Variants in SDK1 observed in about 807,000 individuals in gnomAD.
SDK1 encodes protein sidekick-1.
SDK1 carries 157 observed loss-of-function variants against 245.5 expected under a neutral mutation model. That is an observed-to-expected ratio of 0.64 (90% CI 0.56 to 0.73). The LOEUF (loss-of-function observed/expected upper bound fraction) is 0.73, where lower values mean the gene tolerates loss of function less well. SDK1 is among the 30% of genes least tolerant of loss of function. SDK1 has a pLI of 0.00. For synonymous variants in SDK1, 1,647 were observed against 1,278.5 expected, an observed-to-expected ratio of 1.29 and a Z score of -6.15; for missense variants, 3,583 against 3,002.3, an observed-to-expected ratio of 1.19 and a Z score of -4.52.
intron 1 of SDK1, among the ~76,000 whole-genome samples, chr7:3,554,004 C>G (rs1779505715): frequency 6.6e-6 from 1 of 152,166 alleles, no homozygotes. Context: ...CCATAGCCCA[C>G]AAAAGTAGAC....
chr7:3,550,009 T>A (rs948550748), intron 1 of SDK1, among the ~76,000 whole-genome samples: 22 of 152,180 alleles, frequency 1.4e-4, no homozygotes, highest in African/African-American at 5.1e-4. Flanking sequence ...GTAATATGCC[T>A]ATTAAACATT....
chr7:3,567,765 A>T (rs996602890), intron 1 of SDK1, among the ~76,000 whole-genome samples: 1 of 152,092 alleles, frequency 6.6e-6, no homozygotes, highest in Non-Finnish European at 1.5e-5. Flanking sequence ...GCTGCATAAC[A>T]TTCTACATGG....
intron 5 of SDK1, among the ~76,000 whole-genome samples, chr7:3,889,406 G>A (rs1781405728): frequency 6.6e-6 from 1 of 152,240 alleles, no homozygotes; most frequent in East Asian, 1.9e-4. Flanking sequence ...GACAAAAAGA[G>A]GGTCGAGTTC....
At chr7:4,096,060 T>G (rs1196097396) in intron 22 of SDK1, among the ~76,000 whole-genome samples, 1 of 152,222 alleles carries the variant, frequency 6.6e-6, no homozygotes, top group Non-Finnish European at 1.5e-5. Context: ...TGTCCTGAAA[T>G]GTAGCTGTAA....
At chr7:3,519,068 G>C (rs972917039) in intron 1 of SDK1, among the ~76,000 whole-genome samples, 3 of 152,096 alleles carry the variant, frequency 2.0e-5, no homozygotes, top group African/African-American at 7.2e-5. Context: ...CACCACATAT[G>C]TTCTCATATG....
In SDK1 at chr7:3,991,219, G is replaced by C. The variant is rs144591048; in HGVS notation, c.2131+3897G>C. On this transcript the variant is annotated intron_variant, in intron 14 of 44. Coordinates refer to ENST00000404826, the MANE Select transcript of SDK1 (RefSeq NM_152744.4). ...GGACAGCATCAGCAAGGACCCCTCA[G>C]TGCCAGGCCCCCAGGCTCAGTGGGA... 5.2e-3 allele frequency among the ~76,000 whole-genome samples: 795 copies of C among 152,310 alleles called. 4 individuals are homozygous for C. Among genetic ancestry groups the C allele is most frequent in the African/African-American group, 0.017 (712 of 41,570 alleles).
At chr7:3,322,122 C>T (rs1345092971) in intron 1 of SDK1, among the ~76,000 whole-genome samples, 1 of 151,342 alleles carries the variant, frequency 6.6e-6, no homozygotes, top group Non-Finnish European at 1.5e-5. Flanking sequence ...ACCTCTAGTT[C>T]CGGGACAGTT....
At chr7:3,467,009 C>CACAG (rs2128597000) in intron 1 of SDK1, among the ~76,000 whole-genome samples, 1 of 147,532 alleles carries the variant, frequency 6.8e-6, no homozygotes, top group African/African-American at 2.6e-5. Flanking sequence ...CACACACACA[C>CACAG]ACACACACAC....
chr7:3,626,262 A>T (rs76080387), intron 2 of SDK1, among the ~76,000 whole-genome samples: 5,245 of 152,198 alleles, frequency 0.034, 267 homozygotes, highest in African/African-American at 0.11. Context: ...TAAAATAGAG[A>T]GTAAGAGGAC....
rs1234248082 is a variant in SDK1 at position 3,803,241 on chromosome 7, A to G, written c.714-18209A>G. On this transcript the variant is annotated intron_variant, in intron 4 of 44. Transcript: ENST00000404826. ...TTATGTGCTTATTTGCCGTTTACAT[A>G]TTCTCTTTGGTCAAATGCTTCTTGT... Among the ~76,000 whole-genome samples, 3 of 151,176 alleles carry G rather than the reference A, an allele frequency of 2.0e-5. No individual in the cohort carries two copies. In the South Asian group the frequency reaches 6.3e-4, roughly 32 times the overall value.
intron 22 of SDK1, among the ~76,000 whole-genome samples, chr7:4,093,212 A>C (rs1480735424): frequency 1.3e-5 from 2 of 152,090 alleles, no homozygotes; most frequent in Non-Finnish European, 2.9e-5. Context: ...CATCTCTTTG[A>C]GCATTTTTAT....
At chr7:3,656,857 C>G (rs1300535241) in intron 4 of SDK1, among the ~76,000 whole-genome samples, 3 of 152,008 alleles carry the variant, frequency 2.0e-5, no homozygotes, top group Admixed American at 1.3e-4. Context: ...ACACCATTCT[C>G]CTGCCTCAGC....
intron 5 of SDK1, among the ~76,000 whole-genome samples, chr7:3,891,603 T>C (rs1781461689): frequency 1.3e-5 from 2 of 152,216 alleles, no homozygotes; most frequent in Admixed American, 6.5e-5. Flanking sequence ...TGTCCTCCTT[T>C]CTCTAAACTC....
intron 14 of SDK1, among the ~76,000 whole-genome samples, chr7:3,993,544 A>G (rs1784500111): frequency 6.6e-6 from 1 of 152,234 alleles, no homozygotes; most frequent in Admixed American, 6.5e-5. Context: ...AAAATGTAAA[A>G]TACATTTGTA....
chr7:4,008,322 C>G (rs915073989), intron 14 of SDK1, among the ~76,000 whole-genome samples: 2 of 152,212 alleles, frequency 1.3e-5, no homozygotes, highest in Admixed American at 1.3e-4. Flanking sequence ...GAATAACGCT[C>G]AAAATCCTAA....
At chr7:4,223,162 G>C (rs73048289) in intron 40 of SDK1, among the ~76,000 whole-genome samples, 3 of 152,028 alleles carry the variant, frequency 2.0e-5, no homozygotes, top group African/African-American at 4.8e-5. Flanking sequence ...AGGAGGGTAC[G>C]AGTGTCCTGA....
chr7:4,076,417 A>T (rs963403260), intron 20 of SDK1, among the ~76,000 whole-genome samples: 1 of 152,132 alleles, frequency 6.6e-6, no homozygotes, highest in Non-Finnish European at 1.5e-5. Flanking sequence ...TTAGCCAGGC[A>T]TGGTGGTTCA....
At chr7:3,674,205 TACA>T (rs1783817039) in intron 4 of SDK1, among the ~76,000 whole-genome samples, 1 of 152,128 alleles carries the variant, frequency 6.6e-6, no homozygotes, top group Non-Finnish European at 1.5e-5. Flanking sequence ...AGAAATTGAC[TACA>T]ACAACGAAGG....
chr7:3,847,379 T>G (rs1780307082), intron 5 of SDK1, among the ~76,000 whole-genome samples: 1 of 152,260 alleles, frequency 6.6e-6, no homozygotes, highest in African/African-American at 2.4e-5. Flanking sequence ...CAGATTTTCC[T>G]GATTCTATTT....
Sources: gnomAD v4.1 joint callset for allele counts (sites outside exome capture counted in the v4.1 genomes callset) on GRCh38, gnomAD v4.1.1 for gene constraint, MANE v1.5 for transcripts, NCBI Gene and HGNC (gene_info 2026-07-23, HGNC 2026-07-21) for gene names.